The following GNAI3 variants were observed in gnomAD, a reference collection of about 807,000 sequenced individuals.
GNAI3 encodes the protein G protein subunit alpha i3.
GNAI3 carries 12 observed loss-of-function variants against 41.8 expected under a neutral mutation model. That is an observed-to-expected ratio of 0.29 (90% CI 0.18 to 0.47). The LOEUF (loss-of-function observed/expected upper bound fraction) is 0.47, where lower values mean the gene tolerates loss of function less well. GNAI3 is among the 20% of genes least tolerant of loss of function. GNAI3 has a pLI of 1.00. For missense variants in GNAI3, 360 were observed against 429.6 expected (o/e 0.84, Z 1.43); for synonymous variants, 132 against 146.5 (o/e 0.90, Z 0.71).
chr1:109,577,015 GTTTTTT>G (rs5776987), intron 3 of GNAI3, among the ~76,000 whole-genome samples: 2 of 144,124 alleles, frequency 1.4e-5, no homozygotes, highest in African/African-American at 5.0e-5. Context: ...GTTTTTTTCT[GTTTTTT>G]TTTTTTTTTA....
At position 109,560,054 on chromosome 1, in the gene GNAI3, G is replaced by A. The variant is rs573121381; in HGVS notation, c.118+11216G>A. 3.9e-5 allele frequency among the ~76,000 whole-genome samples: 6 copies of A among 152,304 alleles called. No individual in the cohort carries two copies. The South Asian group carries it at 1.0e-3, about 26-fold the overall frequency. On this transcript the variant is annotated intron_variant, in intron 1 of 8. Coordinates refer to ENST00000369851, the MANE Select transcript of GNAI3 (RefSeq NM_006496.4). ...TGACTTATACCTGAATAGTGGTCTA[G>A]TGATGTTAGAAACAAGTTTCAGGAA...
intron 1 of GNAI3, among the ~76,000 whole-genome samples, chr1:109,558,204 C>T (rs1322834063): frequency 6.6e-6 from 1 of 152,048 alleles, no homozygotes; most frequent in Non-Finnish European, 1.5e-5. Context: ...GGGCAGATCA[C>T]CTGAGGTCAG....
chr1:109,587,684 ATC>A (rs1649067644), intron 7 of GNAI3, among the ~76,000 whole-genome samples: 2 of 152,192 alleles, frequency 1.3e-5, no homozygotes, highest in Admixed American at 6.5e-5. Context: ...AGGGCCTTAT[ATC>A]TCATGCTGAG....
chr1:109,577,158 C>A (rs1275248619), intron 3 of GNAI3, among the ~76,000 whole-genome samples: 1 of 151,514 alleles, frequency 6.6e-6, no homozygotes, highest in Non-Finnish European at 1.5e-5. Context: ...AGGACATGCT[C>A]ACTGCTGAGT....
intron 5 of GNAI3, among the ~76,000 whole-genome samples, chr1:109,584,263 A>G (rs2101108403): frequency 6.6e-6 from 1 of 152,330 alleles, no homozygotes; most frequent in African/African-American, 2.4e-5. Flanking sequence ...ATAGCAGTTC[A>G]GCTATGAATG....
Position 109,582,540 on chromosome 1 carries a change from T to C in GNAI3, c.565T>C (p.Phe189Leu). Residue 189 changes from phenylalanine (F) to leucine (L), a missense_variant, in exon 5 of 9, where the codon TTC (phenylalanine) becomes CTC (leucine). Coordinates refer to ENST00000369851, the MANE Select transcript of GNAI3 (RefSeq NM_006496.4). ...VKTTGIVETH[F>L]TFKDLYFKMF... ...GACCACAGGCATTGTAGAAACACAT[T>C]TCACCTTCAAAGACCTATACTTCAA... The C allele has an allele frequency of 1.2e-6, 2 of 1,608,312 alleles. No individual in the cohort carries two copies. The highest frequency in any genetic ancestry group is 1.7e-6 in the Non-Finnish European group (2 of 1,174,758).
intron 1 of GNAI3, among the ~76,000 whole-genome samples, chr1:109,564,042 T>G (rs1046578739): frequency 3.1e-4 from 25 of 79,380 alleles, no homozygotes; most frequent in Admixed American, 2.1e-3. Context: ...TTTTTGTGTG[T>G]TTTTTTTTTT....
Position 109,573,766 on chromosome 1 carries a change from G to A in GNAI3, c.148G>A (p.Val50Met). The change falls in exon 2 of 9, where the codon GTG becomes ATG. Residue 50 changes from valine to methionine, a missense_variant. Val to Met is a conservative substitution (Grantham distance 21, BLOSUM62 1). Transcript: ENST00000369851. ...GAGESGKSTI[V>M]KQMKIIHEDG... is the part of the protein sequence containing the mutation. The stretch of plus-strand genomic sequence containing the variant: ...TGGAGAATCTGGTAAAAGCACCATT[G>A]TGAAACAGATGAAGTAAGTTGGAAT... 1.2e-6 allele frequency: 2 copies of A among 1,612,324 alleles called. No homozygotes were observed. Among genetic ancestry groups the A allele is most frequent in the Non-Finnish European group, 1.7e-6 (2 of 1,178,468 alleles).
At chr1:109,563,288 G>A (rs2101094153) in intron 1 of GNAI3, among the ~76,000 whole-genome samples, 1 of 152,324 alleles carries the variant, frequency 6.6e-6, no homozygotes, top group Non-Finnish European at 1.5e-5. Flanking sequence ...GGCTGAGGGG[G>A]AAGGATCGCT....
intron 1 of GNAI3, among the ~76,000 whole-genome samples, chr1:109,555,963 C>CGTGTGT (rs71069692): frequency 0.038 from 5,515 of 144,510 alleles, 91 homozygotes; most frequent in Non-Finnish European, 0.046. Context: ...TGCGTGCGTG[C>CGTGTGT]GTGTGTGTGT....
At chr1:109,565,923 T>C (rs2101095816) in intron 1 of GNAI3, among the ~76,000 whole-genome samples, 1 of 152,330 alleles carries the variant, frequency 6.6e-6, no homozygotes, top group Non-Finnish European at 1.5e-5. Flanking sequence ...TTCATTACTA[T>C]TTTAATCAAA....
intron 1 of GNAI3, among the ~76,000 whole-genome samples, chr1:109,555,990 GTGTGTGTGTT>G (rs1158868621): frequency 1.3e-5 from 2 of 151,248 alleles, no homozygotes; most frequent in Non-Finnish European, 2.9e-5. Context: ...GTGTGTGTGT[GTGTGTGTGTT>G]TGTGTGTGTT....
At chr1:109,572,799 G>C (rs935538829) in intron 1 of GNAI3, among the ~76,000 whole-genome samples, 1 of 152,204 alleles carries the variant, frequency 6.6e-6, no homozygotes, top group Non-Finnish European at 1.5e-5. Context: ...TATTTGAGAT[G>C]TGGAAAATAT....
chr1:109,584,897 C>T (rs927387383), intron 5 of GNAI3, among the ~76,000 whole-genome samples: 3 of 152,200 alleles, frequency 2.0e-5, no homozygotes, highest in Non-Finnish European at 4.4e-5. Context: ...TGTTAGCCTT[C>T]CTAAAACCTG....
At position 109,592,219 on chromosome 1, in the gene GNAI3, T is replaced by C. The variant is rs1649190866; in HGVS notation, c.1051T>C (p.Cys351Arg). ...CATCATTAAAAACAACTTAAAGGAATGTGGACTTTATTGAGAAGCATGGAT... is the reference window on the plus strand; with the variant it reads ...CATCATTAAAAACAACTTAAAGGAACGTGGACTTTATTGAGAAGCATGGAT... ...DVIIKNNLKE[C>R]GLY The change falls in exon 8 of 9, where the codon TGT (cysteine) becomes CGT (arginine). Residue 351 changes from cysteine (C) to arginine (R), a missense_variant. Transcript: ENST00000369851. 1 of 1,608,656 alleles carries C rather than the reference T, an allele frequency of 6.2e-7. No individual in the cohort carries two copies. The highest frequency in any genetic ancestry group is 8.5e-7 in the Non-Finnish European group (1 of 1,175,094).
intron 3 of GNAI3, 64 bp downstream of exon 3, chr1:109,574,101 AT>A (rs1648678454): frequency 1.6e-6 from 2 of 1,265,846 alleles, no homozygotes; most frequent in Non-Finnish European, 1.1e-6. Context: ...GTTAAGCAAA[AT>A]TTTTGCTTCA....
At chr1:109,559,759 G>T (rs1298993698) in intron 1 of GNAI3, among the ~76,000 whole-genome samples, 1 of 152,124 alleles carries the variant, frequency 6.6e-6, no homozygotes, top group Non-Finnish European at 1.5e-5. Flanking sequence ...TTGGTGTTTA[G>T]CAAGTTAAAG....
At chr1:109,583,589 C>CT (rs199710835) in intron 5 of GNAI3, among the ~76,000 whole-genome samples, 534 of 148,192 alleles carry the variant, frequency 3.6e-3, no homozygotes, top group African/African-American at 3.4e-3. Flanking sequence ...ATTAGTAATT[C>CT]TTTTTTTTTT....
At chr1:109,570,016 A>T (rs1387063347) in intron 1 of GNAI3, among the ~76,000 whole-genome samples, 1 of 152,166 alleles carries the variant, frequency 6.6e-6, no homozygotes. Flanking sequence ...ACTATGGATA[A>T]TCTGGGAATT....
Sources: allele counts gnomAD v4.1 joint callset (sites outside exome capture counted in the v4.1 genomes callset), GRCh38; gene constraint gnomAD v4.1.1; transcripts MANE v1.5; gene names NCBI Gene and HGNC (gene_info 2026-07-23, HGNC 2026-07-21).